TRPM1: variants seen among roughly 807,000 people sequenced by gnomAD.
TRPM1 encodes the protein transient receptor potential cation channel subfamily M member 1, also known as TRPM1-203 APA Isoform, Intron 10.
Under a neutral mutation model 149.4 loss-of-function variants are expected in TRPM1, and 113 were observed. The ratio of observed to expected loss-of-function variants is 0.76; its 90% CI spans 0.65 to 0.88. TRPM1 has a LOEUF of 0.88. Ranked by LOEUF, TRPM1 falls within the 40% of genes least tolerant of loss-of-function variation. TRPM1 has a pLI of 0.00. For synonymous variants in TRPM1, 741 were observed against 759.5 expected, an observed-to-expected ratio of 0.98 and a Z score of 0.40; for missense variants, 1,976 against 2,038.7, an observed-to-expected ratio of 0.97 and a Z score of 0.59.
chr15:31,159,217 C>A (rs1208927399), intron 1 of TRPM1, among the ~76,000 whole-genome samples: 2 of 152,198 alleles, frequency 1.3e-5, no homozygotes, highest in African/African-American at 4.8e-5. Context: ...CGAAGTGATT[C>A]TCCCCTCCTC....
At chr15:31,081,626 C>T (rs962460581) in intron 1 of TRPM1, among the ~76,000 whole-genome samples, 188 bp from the exon 2 acceptor site, 14 of 152,112 alleles carry the variant, frequency 9.2e-5, no homozygotes, top group Non-Finnish European at 1.8e-4. Flanking sequence ...TCTCCCCCAC[C>T]TCCTGCCTGT....
intron 2 of TRPM1, among the ~76,000 whole-genome samples, chr15:31,078,873 CAAA>C (rs937266271): frequency 1.3e-5 from 2 of 152,206 alleles, no homozygotes; most frequent in Non-Finnish European, 2.9e-5. Context: ...GAACTCTAAA[CAAA>C]GATTGAACTC....
chr15:31,028,852 T>G (rs957743584), intron 24 of TRPM1, among the ~76,000 whole-genome samples: 6 of 152,168 alleles, frequency 3.9e-5, no homozygotes, highest in African/African-American at 1.4e-4. Context: ...ATTTTCCCAT[T>G]TCTTTATTGT....
At chr15:31,012,162 T>C (rs1266795520) in intron 27 of TRPM1, among the ~76,000 whole-genome samples, 3 of 152,206 alleles carry the variant, frequency 2.0e-5, no homozygotes, top group Non-Finnish European at 4.4e-5. Flanking sequence ...AAAAAATACA[T>C]TTATAATGCC....
chr15:31,130,269 C>A (rs2036000245), intron 1 of TRPM1, among the ~76,000 whole-genome samples: 1 of 152,182 alleles, frequency 6.6e-6, no homozygotes, highest in African/African-American at 2.4e-5. Flanking sequence ...GATCATAAAA[C>A]CACCTTTGCA....
At chr15:31,048,690 T>G (rs2033852605) in intron 13 of TRPM1, among the ~76,000 whole-genome samples, 1 of 152,104 alleles carries the variant, frequency 6.6e-6, no homozygotes, top group South Asian at 2.1e-4. Context: ...TGTGCACCTG[T>G]AGTCCCAGAT....
chr15:31,058,484 A>T (rs532583032), intron 11 of TRPM1, among the ~76,000 whole-genome samples: 82 of 152,326 alleles, frequency 5.4e-4, no homozygotes, highest in Non-Finnish European at 1.1e-3. Flanking sequence ...AATCACAACA[A>T]TGTCAAAGCT....
intron 21 of TRPM1, among the ~76,000 whole-genome samples, chr15:31,035,059 C>G (rs1276627805): frequency 6.6e-6 from 1 of 152,238 alleles, no homozygotes; most frequent in Non-Finnish European, 1.5e-5. Context: ...GGCTGGAGTG[C>G]AGTGGCGCGA....
intron 1 of TRPM1, among the ~76,000 whole-genome samples, chr15:31,140,635 C>T (rs1258031849): frequency 6.6e-6 from 1 of 152,210 alleles, no homozygotes; most frequent in Non-Finnish European, 1.5e-5. Flanking sequence ...ACTGGATAAC[C>T]TTTACCTTCC....
At chr15:31,113,865 G>A (rs146480897) in intron 1 of TRPM1, among the ~76,000 whole-genome samples, 3 of 152,174 alleles carry the variant, frequency 2.0e-5, no homozygotes, top group Admixed American at 6.5e-5. Context: ...CCACACGCTG[G>A]AAGGGTACCG....
Position 31,002,681 on chromosome 15 carries a change from G to A in TRPM1, c.4019C>T (p.Pro1340Leu), listed in dbSNP as rs1213835175. 12 of 1,614,048 alleles carry A rather than the reference G, an allele frequency of 7.4e-6. No individual in the cohort carries two copies. Among genetic ancestry groups the A allele is most frequent in the Admixed American group, 1.7e-5 (1 of 59,998 alleles). Residue 1340 changes from proline (P) to leucine (L), a missense_variant, in exon 28 of 28, where the codon CCA (proline) becomes CTA (leucine). Coordinates refer to ENST00000256552, the MANE Select transcript of TRPM1 (RefSeq NM_001252024.2). ...EEKDVKTHLV[P>L]ECQNSLHLSL... is the part of the protein sequence containing the mutation. ...AAGGTGAAGACTGTTCTGACATTCT[G>A]GGACTAGGTGCGTTTTCACGTCCTT... is the stretch of plus-strand genomic sequence containing the variant.
chr15:31,031,186 T>C, intron 22 of TRPM1, 29 bp from the exon 23 acceptor site: 1 of 1,613,994 alleles, frequency 6.2e-7, no homozygotes, highest in Non-Finnish European at 8.5e-7. Flanking sequence ...TGTCTCTCAC[T>C]GTCTTGGCTT....
At position 31,031,046 on chromosome 15, in the gene TRPM1, G is replaced by C; in HGVS notation, c.3064C>G (p.Arg1022Gly). 6.2e-7 allele frequency: 1 copy of C among 1,614,084 alleles called. No homozygotes were observed. The highest frequency in any genetic ancestry group is 8.5e-7 in the Non-Finnish European group (1 of 1,180,022). The change falls in exon 23 of 28, where the codon CGA becomes GGA. Residue 1022 changes from arginine to glycine, a missense_variant. By Grantham distance (125) the Arg-to-Gly change is moderately radical. Around this residue, in one of 3 missense-constraint regions of TRPM1, gnomAD observed 1,332 missense variants for 1,347.1 expected, o/e 0.99. Transcript: ENST00000256552. Reference protein sequence around the residue: ...PEEKPSWKLARNIFYMPYWMI... With the variant: ...PEEKPSWKLAGNIFYMPYWMI... ...CAGTAGGGCATGTAGAAGATGTTTC[G>C]GGCCAGTTTCCAAGAGGGCTTCTCC...
chr15:31,148,044 AAG>A (rs1270289966), intron 1 of TRPM1, among the ~76,000 whole-genome samples: 9 of 152,230 alleles, frequency 5.9e-5, no homozygotes, highest in Non-Finnish European at 1.2e-4. Context: ...AGAGGCTGCG[AAG>A]AGAGAGGTCA....
At chr15:31,091,216 G>A (rs2141001630) in intron 1 of TRPM1, among the ~76,000 whole-genome samples, 1 of 152,332 alleles carries the variant, frequency 6.6e-6, no homozygotes, top group Non-Finnish European at 1.5e-5. Context: ...GGCCTCGCCT[G>A]CTGTGCTGGA....
chr15:31,052,973 G>A (rs1025786105), intron 11 of TRPM1, among the ~76,000 whole-genome samples: 1 of 152,102 alleles, frequency 6.6e-6, no homozygotes, highest in Non-Finnish European at 1.5e-5. Context: ...CATTAACAGA[G>A]TAAAGGTAGC....
chr15:31,045,430 AT>A (rs1054184982), intron 16 of TRPM1, among the ~76,000 whole-genome samples: 2 of 151,962 alleles, frequency 1.3e-5, no homozygotes, highest in Non-Finnish European at 1.5e-5. Context: ...CTCCCCCCAA[AT>A]TTTTTTGCTG....
chr15:31,108,650 T>A (rs996905493), intron 1 of TRPM1, among the ~76,000 whole-genome samples: 1 of 152,116 alleles, frequency 6.6e-6, no homozygotes, highest in Non-Finnish European at 1.5e-5. Context: ...TGTGCCACCA[T>A]GCTCAGCTAA....
At chr15:31,010,394 T>C (rs914265802) in intron 27 of TRPM1, among the ~76,000 whole-genome samples, 2 of 152,234 alleles carry the variant, frequency 1.3e-5, no homozygotes, top group African/African-American at 4.8e-5. Context: ...TTCTTCTTTT[T>C]ACATGTGGGT....
Sources: gnomAD v4.1 joint callset for allele counts (sites outside exome capture counted in the v4.1 genomes callset) on GRCh38, gnomAD v4.1.1 for gene constraint, gnomAD v4.1.1 regional missense constraint, MANE v1.5 for transcripts, NCBI Gene and HGNC (gene_info 2026-07-23, HGNC 2026-07-21) for gene names.